ACAP2: variants seen among roughly 807,000 people sequenced by gnomAD.
ACAP2 encodes ArfGAP with coiled-coil, ankyrin repeat and PH domains 2.
ACAP2 carries 39 observed loss-of-function variants against 115.8 expected under a neutral mutation model. The ratio of observed to expected loss-of-function variants is 0.34; its 90% confidence interval spans 0.26 to 0.44. The LOEUF is 0.44. Among genes scored for constraint, ACAP2 ranks in the 20% least tolerant of loss-of-function variants. The probability of loss-of-function intolerance (pLI) is 1.00; values close to 1 mark genes in which losing one functional copy is unlikely to be tolerated. For missense variants in ACAP2, 662 were observed against 927.6 expected (o/e 0.71, Z 3.72); for synonymous variants, 289 against 315.8 (o/e 0.92, Z 0.90).
intron 4 of ACAP2, among the ~76,000 whole-genome samples, chr3:195,350,398 G>A (rs902811107): frequency 6.6e-6 from 1 of 152,108 alleles, no homozygotes; most frequent in East Asian, 1.9e-4. Context: ...AGTGGCTCAC[G>A]TCTGTAATCC....
intron 4 of ACAP2, among the ~76,000 whole-genome samples, chr3:195,373,823 G>A (rs761693507): frequency 1.8e-4 from 27 of 151,928 alleles, no homozygotes; most frequent in Non-Finnish European, 2.9e-4. Flanking sequence ...TACTCAGGAG[G>A]CTAAGGTAGG....
At position 195,285,777 on chromosome 3, in the gene ACAP2, T is replaced by C. The variant is rs375440796; in HGVS notation, c.2236+19A>G. 5.0e-6 allele frequency: 8 copies of C among 1,589,272 alleles called. No homozygotes were observed. The highest frequency in any genetic ancestry group is 5.2e-6 in the Non-Finnish European group (6 of 1,161,468). On this transcript the variant is annotated intron_variant, in intron 22 of 22. Transcript: ENST00000326793. Reference sequence around the variant, plus strand: ...TTTCTTATACTGCATTTCAGTATGGTTATTAGTAGAATATTGACCTGGCTG... The same window carrying C: ...TTTCTTATACTGCATTTCAGTATGGCTATTAGTAGAATATTGACCTGGCTG...
In ACAP2 at chr3:195,276,969, C is replaced by T. The variant is rs1041414794; in HGVS notation, c.*2359G>A. The stretch of plus-strand genomic sequence containing the variant: ...TTCTGAACCATGATCATCTTTAAGG[C>T]ACTTCAAATACATTTCTGACCACTA... On this transcript the variant is annotated 3_prime_UTR_variant, in exon 23 of 23. Transcript: ENST00000326793. The T allele has an allele frequency of 6.6e-6, 1 of 152,134 alleles. No homozygotes were observed. The highest frequency in any genetic ancestry group is 2.4e-5 in the African/African-American group (1 of 41,440). 9.4% of individuals were successfully genotyped at this position (152,134 alleles called of 1,614,324 possible).
At chr3:195,433,391 T>C (rs1200790643) in intron 1 of ACAP2, among the ~76,000 whole-genome samples, 2 of 152,248 alleles carry the variant, frequency 1.3e-5, no homozygotes, top group African/African-American at 4.8e-5. Flanking sequence ...ACAAGACTTA[T>C]TATCTAAAAA....
chr3:195,342,743 C>T, intron 5 of ACAP2, 89 bp from the exon 6 acceptor site: 1 of 1,047,948 alleles, frequency 9.5e-7, no homozygotes, highest in Non-Finnish European at 1.3e-6. Context: ...CACCTGTAAT[C>T]CCAGCACTTT....
At chr3:195,436,354 G>A (rs1715543152) in intron 1 of ACAP2, among the ~76,000 whole-genome samples, 1 of 151,484 alleles carries the variant, frequency 6.6e-6, no homozygotes, top group Non-Finnish European at 1.5e-5. Context: ...GCCTGGTCTC[G>A]AACTCAAGAG....
At chr3:195,424,164 C>T (rs1232692118) in intron 1 of ACAP2, among the ~76,000 whole-genome samples, 1 of 146,352 alleles carries the variant, frequency 6.8e-6, no homozygotes, top group Non-Finnish European at 1.5e-5. Context: ...GTATAAATAG[C>T]ATATATCTCG....
At chr3:195,387,995 A>G (rs971594404) in intron 2 of ACAP2, among the ~76,000 whole-genome samples, 1 of 152,248 alleles carries the variant, frequency 6.6e-6, no homozygotes, top group Non-Finnish European at 1.5e-5. Flanking sequence ...CCATATTGCT[A>G]GTAAATGATA....
intron 14 of ACAP2, 102 bp from the exon 15 acceptor site, chr3:195,301,746 TAC>T: frequency 8.3e-7 from 1 of 1,209,708 alleles, no homozygotes; most frequent in Non-Finnish European, 1.2e-6. Flanking sequence ...GCCCTCGGCA[TAC>T]ACATATAGGC....
At chr3:195,346,103 T>G (rs1202239695) in intron 4 of ACAP2, among the ~76,000 whole-genome samples, 2 of 152,226 alleles carry the variant, frequency 1.3e-5, no homozygotes, top group Admixed American at 6.5e-5. Flanking sequence ...AAGCTCTGTC[T>G]TCTGTTTTCT....
chr3:195,393,116 G>A (rs993014400), intron 1 of ACAP2, among the ~76,000 whole-genome samples: 1 of 152,044 alleles, frequency 6.6e-6, no homozygotes, highest in Non-Finnish European at 1.5e-5. Flanking sequence ...GGGAAGGACT[G>A]CTTGGACCCA....
intron 3 of ACAP2, among the ~76,000 whole-genome samples, chr3:195,381,571 A>G (rs1018169261): frequency 1.3e-5 from 2 of 152,166 alleles, no homozygotes; most frequent in Non-Finnish European, 2.9e-5. Flanking sequence ...GCGTGCCCCT[A>G]TAAGCAGCTA....
intron 4 of ACAP2, among the ~76,000 whole-genome samples, chr3:195,348,385 G>C (rs945167849): frequency 2.0e-5 from 3 of 151,948 alleles, no homozygotes; most frequent in African/African-American, 7.2e-5. Flanking sequence ...CCACAAAGAT[G>C]TCTTCACATC....
rs139355789 is a variant in ACAP2, at chr3:195,300,954, G to T, written c.1395+621C>A. ...GATTCTTTGAGCCAAGGAAGTCCCG[G>T]CTGCAGTAAGCTGTGATGGTGCCAC... is the stretch of plus-strand genomic sequence containing the variant. On this transcript the variant is annotated intron_variant, in intron 15 of 22. Coordinates refer to ENST00000326793, the MANE Select transcript of ACAP2 (RefSeq NM_012287.6). Among the ~76,000 whole-genome samples the T allele has an allele frequency of 6.4e-3, 980 of 152,308 alleles. 9 individuals are homozygous for T. The highest frequency in any genetic ancestry group is 0.021 in the African/African-American group (873 of 41,562).
At chr3:195,367,371 G>GA (rs1732799689) in intron 4 of ACAP2, among the ~76,000 whole-genome samples, 1 of 151,946 alleles carries the variant, frequency 6.6e-6, no homozygotes, top group Admixed American at 6.6e-5. Context: ...ATCACCTGGG[G>GA]AGATTTTTTC....
intron 1 of ACAP2, among the ~76,000 whole-genome samples, chr3:195,434,680 C>G (rs1715398113): frequency 6.6e-6 from 1 of 152,200 alleles, no homozygotes; most frequent in Non-Finnish European, 1.5e-5. Flanking sequence ...AGTAATTCAT[C>G]TTTGAACACT....
intron 21 of ACAP2, among the ~76,000 whole-genome samples, chr3:195,287,397 G>T: frequency 7.0e-6 from 1 of 143,118 alleles, no homozygotes; most frequent in Non-Finnish European, 1.5e-5. Flanking sequence ...AAGTATTCAC[G>T]TAAATAATTT....
At chr3:195,381,867 T>C in intron 3 of ACAP2, 36 bp downstream of exon 3, 1 of 1,566,244 alleles carries the variant, frequency 6.4e-7, no homozygotes. Flanking sequence ...ATTGCTTTTT[T>C]TTTTCATTTT....
intron 1 of ACAP2, among the ~76,000 whole-genome samples, chr3:195,406,608 AG>A (rs1712793337): frequency 6.6e-6 from 1 of 152,224 alleles, no homozygotes; most frequent in Admixed American, 6.5e-5. Flanking sequence ...TTGAGTTTAC[AG>A]GGGTAAGCCT....
Sources: allele counts gnomAD v4.1 joint callset (sites outside exome capture counted in the v4.1 genomes callset), GRCh38; gene constraint gnomAD v4.1.1; transcripts MANE v1.5; gene names NCBI Gene and HGNC (gene_info 2026-07-23, HGNC 2026-07-21).